Variants in DNAH14 observed in about 807,000 individuals in gnomAD.
DNAH14 encodes axonemal beta dynein heavy chain 14.
DNAH14 carries 478 observed loss-of-function variants against 520.9 expected under a neutral mutation model. The ratio of observed to expected loss-of-function variants is 0.92; its 90% confidence interval spans 0.85 to 0.99. The LOEUF (loss-of-function observed/expected upper bound fraction) is 0.99. Ranked by LOEUF, DNAH14 falls within the 50% of genes least tolerant of loss-of-function variation. DNAH14 has a pLI of 0.00. For missense variants in DNAH14, 4,831 were observed against 5,234.5 expected, an observed-to-expected ratio of 0.92 and a Z score of 2.38; for synonymous variants, 1,581 against 1,757.2, an observed-to-expected ratio of 0.90 and a Z score of 2.51.
chr1:225,057,090 G>A (rs571315027), intron 17 of DNAH14, among the ~76,000 whole-genome samples: 1 of 152,296 alleles, frequency 6.6e-6, no homozygotes, highest in African/African-American at 2.4e-5. Context: ...TAGCTTGATG[G>A]GGATGGCATT....
intron 71 of DNAH14, among the ~76,000 whole-genome samples, chr1:225,350,493 T>A (rs2095350219): frequency 6.6e-6 from 1 of 151,642 alleles, no homozygotes; most frequent in South Asian, 2.1e-4. Context: ...ATCAATAAAA[T>A]TTGCAAACCT....
At chr1:225,151,925 C>A in intron 31 of DNAH14, 80 bp from the exon 32 acceptor site, 1 of 1,170,544 alleles carries the variant, frequency 8.5e-7, no homozygotes, top group South Asian at 1.3e-5. Flanking sequence ...CTTAATAAAG[C>A]TTCCAAACTC....
At chr1:225,071,046 C>A (rs3105549) in intron 17 of DNAH14, among the ~76,000 whole-genome samples, 141,097 of 152,218 alleles carry the variant, frequency 0.93, 65,621 homozygotes, top group Non-Finnish European at 0.96. Context: ...ATTTTCTTTC[C>A]TCCTTTTATT....
At chr1:225,184,752 AAAG>A (rs1312500643) in intron 36 of DNAH14, among the ~76,000 whole-genome samples, 1 of 152,110 alleles carries the variant, frequency 6.6e-6, no homozygotes. Context: ...ATCTTAAAAA[AAAG>A]AGAGAGAGAG....
intron 54 of DNAH14, among the ~76,000 whole-genome samples, chr1:225,285,237 A>G (rs1046347187): frequency 1.3e-5 from 2 of 152,152 alleles, no homozygotes; most frequent in African/African-American, 4.8e-5. Flanking sequence ...GGAAAATCCT[A>G]AGGACAAGCA....
intron 36 of DNAH14, among the ~76,000 whole-genome samples, chr1:225,173,195 A>G (rs2082909518): frequency 6.6e-6 from 1 of 152,248 alleles, no homozygotes; most frequent in Non-Finnish European, 1.5e-5. Flanking sequence ...GGACATAGGC[A>G]TGGCCAAGGA....
chr1:225,108,576 G>A (rs966527328), intron 23 of DNAH14, among the ~76,000 whole-genome samples: 6 of 152,026 alleles, frequency 3.9e-5, no homozygotes, highest in Admixed American at 2.0e-4. Context: ...TTCCTATAGA[G>A]CTGTTTGAAC....
rs1211654961 is a variant in DNAH14, at chr1:225,252,316, C to T, written c.6764C>T (p.Thr2255Ile). The change falls in exon 44 of 86, where the codon ACT (threonine) becomes ATT (isoleucine). Residue 2255 changes from threonine to isoleucine, a missense_variant. Transcript: ENST00000682510. Reference protein sequence around the residue: ...NSSQVGINLPTGECSIFGYFV... With the variant: ...NSSQVGINLPIGECSIFGYFV... Reference sequence around the variant, plus strand: ...TCGGTTGTAGGCATCAACCTACCAACTGGTGAATGTTCCATCTTTGGATAT... The same window carrying T: ...TCGGTTGTAGGCATCAACCTACCAATTGGTGAATGTTCCATCTTTGGATAT... 2 of 1,547,900 alleles carry T rather than the reference C, an allele frequency of 1.3e-6. No homozygotes were observed. Among genetic ancestry groups the T allele is most frequent in the Admixed American group, 2.0e-5 (1 of 50,880 alleles).
intron 8 of DNAH14, among the ~76,000 whole-genome samples, chr1:224,991,408 C>T (rs2125760784): frequency 6.6e-6 from 1 of 151,896 alleles, no homozygotes; most frequent in East Asian, 1.9e-4. Flanking sequence ...TTTTTCCATA[C>T]ATCTGTTGGC....
At chr1:225,380,480 AAGAC>A (rs1354134578) in intron 80 of DNAH14, among the ~76,000 whole-genome samples, 158 bp downstream of exon 80, 6 of 152,230 alleles carry the variant, frequency 3.9e-5, no homozygotes, top group Admixed American at 1.3e-4. Flanking sequence ...TCCAAGTTGA[AAGAC>A]AGAGAGCACA....
intron 83 of DNAH14, among the ~76,000 whole-genome samples, chr1:225,391,541 G>A (rs548566122): frequency 2.2e-4 from 33 of 152,238 alleles, no homozygotes; most frequent in Middle Eastern, 3.4e-3. Context: ...TCAGAGTAGA[G>A]CAGTGGTAGT....
chr1:225,369,872 C>A (rs748604782), intron 77 of DNAH14, among the ~76,000 whole-genome samples: 1 of 152,036 alleles, frequency 6.6e-6, no homozygotes, highest in Non-Finnish European at 1.5e-5. Context: ...TCTAGATAAC[C>A]TTTTATCAAA....
At chr1:225,264,619 C>G (rs2093050194) in intron 47 of DNAH14, among the ~76,000 whole-genome samples, 1 of 152,088 alleles carries the variant, frequency 6.6e-6, no homozygotes, top group South Asian at 2.1e-4. Flanking sequence ...TTCTGTAGGA[C>G]TTCTCAAATC....
chr1:224,930,513 A>G (rs558188973), intron 1 of DNAH14, among the ~76,000 whole-genome samples: 170 of 152,362 alleles, frequency 1.1e-3, no homozygotes, highest in African/African-American at 4.0e-3. Flanking sequence ...GCTGCCAGTC[A>G]TAAAAGAGTA....
At chr1:225,215,504 G>A (rs1262752908) in intron 41 of DNAH14, among the ~76,000 whole-genome samples, 1 of 152,136 alleles carries the variant, frequency 6.6e-6, no homozygotes, top group African/African-American at 2.4e-5. Flanking sequence ...GTTGACAGTG[G>A]GGTGTTAAAG....
At chr1:224,939,189 TCTC>T (rs529586504) in intron 1 of DNAH14, among the ~76,000 whole-genome samples, 74 of 152,362 alleles carry the variant, frequency 4.9e-4, no homozygotes, top group African/African-American at 1.7e-3. Flanking sequence ...GTTATTTTCT[TCTC>T]AGCATTTTGA....
intron 27 of DNAH14, among the ~76,000 whole-genome samples, chr1:225,140,417 G>A (rs2149019416): frequency 6.6e-6 from 1 of 152,210 alleles, no homozygotes; most frequent in South Asian, 2.1e-4. Context: ...TGTGTTCTAG[G>A]TATATTACTT....
At chr1:225,105,291 G>C (rs1346239875) in intron 23 of DNAH14, among the ~76,000 whole-genome samples, 3 of 151,952 alleles carry the variant, frequency 2.0e-5, no homozygotes, top group African/African-American at 7.2e-5. Flanking sequence ...TTGCTGAGGA[G>C]AGCTTTACTT....
At chr1:225,224,204 C>G (rs769198510) in intron 41 of DNAH14, among the ~76,000 whole-genome samples, 8 of 151,826 alleles carry the variant, frequency 5.3e-5, no homozygotes, top group Non-Finnish European at 1.2e-4. Flanking sequence ...AAGGGCAATA[C>G]AGCCCTAGAC....
Sources: allele counts gnomAD v4.1 joint callset (sites outside exome capture counted in the v4.1 genomes callset), GRCh38; gene constraint gnomAD v4.1.1; transcripts MANE v1.5; gene names NCBI Gene and HGNC (gene_info 2026-07-23, HGNC 2026-07-21).